HNRNPDL: variants seen among roughly 807,000 people sequenced by gnomAD.
HNRNPDL encodes the protein heterogeneous nuclear ribonucleoprotein D like.
A neutral mutation model predicts 48.0 loss-of-function variants in HNRNPDL; 18 were observed. That is an observed-to-expected ratio of 0.38 (90% confidence interval 0.26 to 0.56). HNRNPDL has a LOEUF of 0.56. Ranked by LOEUF, HNRNPDL falls within the 20% of genes least tolerant of loss-of-function variation. The pLI, the probability that HNRNPDL is intolerant of heterozygous loss-of-function variation, is 0.77. For missense variants in HNRNPDL, 553 were observed against 540.7 expected, an observed-to-expected ratio of 1.02 and a Z score of -0.23; for synonymous variants, 306 against 207.3, an observed-to-expected ratio of 1.48 and a Z score of -4.09.
chr4:82,430,451 C>T lies in HNRNPDL; in HGVS notation c.-761G>A, dbSNP rs977840811. The T allele has an allele frequency of 1.4e-5, 3 of 212,452 alleles. No homozygotes were observed. The highest frequency in any genetic ancestry group is 7.0e-5 in the African/African-American group (3 of 42,794). The allele number at this position is 212,452 out of a possible 1,614,324, so 13.2% of individuals were successfully genotyped here. On this transcript the variant is annotated 5_prime_UTR_variant, in exon 1 of 8. Transcript: ENST00000295470. The stretch of plus-strand genomic sequence containing the variant: ...CTCTCGCGCACCCTGCTCCCGCGTT[C>T]GCTTCTTTGTTCCCGCCCACGCGAG...
chr4:82,426,607 A>G lies in HNRNPDL; in HGVS notation c.1048T>C (p.Phe350Leu). 1.2e-6 allele frequency: 2 copies of G among 1,613,862 alleles called. No individual in the cohort carries two copies. The highest frequency in any genetic ancestry group is 1.1e-5 in the South Asian group (1 of 91,078). The change falls in exon 6 of 8, where the codon TTT becomes CTT. Residue 350 changes from phenylalanine to leucine, a missense_variant. Transcript: ENST00000295470. The stretch of plus-strand genomic sequence containing the variant: ...TATCCTTGATCATAATAGTTATTAA[A>G]TCCTTGGTTCCAGTTTTGGCCCTGA... ...RGQGQNWNQG[F>L]NNYYDQGYGN...
chr4:82,428,544 C>T (rs984502133), intron 1 of HNRNPDL, 98 bp from the exon 2 acceptor site: 20 of 923,330 alleles, frequency 2.2e-5, no homozygotes, highest in Non-Finnish European at 2.7e-5. Context: ...ACATTTACCC[C>T]CTAAGTGTAG....
rs1362944739 is a variant in HNRNPDL at position 82,422,942 on chromosome 4, G to C, written c.*1964C>G. ...TTGTTCTAAATTAATCCTTGGGAAC[G>C]AGATCTTGATAGTAGCTTCAGTTCA... On this transcript the variant is annotated 3_prime_UTR_variant, in exon 8 of 8. Transcript: ENST00000295470. The C allele has an allele frequency of 6.6e-6, 1 of 152,114 alleles. No individual in the cohort carries two copies. Among genetic ancestry groups the C allele is most frequent in the African/African-American group, 2.4e-5 (1 of 41,398 alleles). The allele number at this position is 152,114 out of a possible 1,614,324, so 9.4% of individuals were successfully genotyped here. A position where few individuals can be genotyped will look rare whatever the true frequency, so the allele number is the denominator to read the frequency against.
Position 82,429,428 on chromosome 4 carries a change from C to A in HNRNPDL, c.263G>T (p.Arg88Leu), listed in dbSNP as rs780585758. The change falls in exon 1 of 8, where the codon CGC becomes CTC. Residue 88 changes from arginine (R) to leucine (L), a missense_variant. Arg to Leu is a moderately radical substitution (Grantham distance 102, BLOSUM62 -2). Around this residue, in one of 4 missense-constraint regions of HNRNPDL, gnomAD observed 327 missense variants for 203.2 expected, o/e 1.61. Coordinates refer to ENST00000295470, the MANE Select transcript of HNRNPDL (RefSeq NM_031372.4). ...GRRRRPDLFR[R>L]HFKSSSIQRS... ...TTGTATGGAGCTGGATTTAAAATGG[C>A]GGCGGAAGAGATCCGGGCGCCGCCT... 2.5e-6 allele frequency: 4 copies of A among 1,612,512 alleles called. No individual in the cohort carries two copies. Among genetic ancestry groups the A allele is most frequent in the Non-Finnish European group, 3.4e-6 (4 of 1,179,484 alleles).
rs1721353682 is a variant in HNRNPDL, at chr4:82,424,842, T to G, written c.*64A>C. The G allele has an allele frequency of 6.6e-6, 1 of 152,224 alleles. No individual in the cohort carries two copies. Among genetic ancestry groups the G allele is most frequent in the African/African-American group, 2.4e-5 (1 of 41,464 alleles). 9.4% of individuals were successfully genotyped at this position (152,224 alleles called of 1,614,324 possible). On this transcript the variant is annotated 3_prime_UTR_variant, in exon 8 of 8. Coordinates refer to ENST00000295470, the MANE Select transcript of HNRNPDL (RefSeq NM_031372.4). ...ATCTTAGATCAACAGAAGACCAATCTTCAATGTCGTCCTGCAAGATGGGTT... is the reference window on the plus strand; with the variant it reads ...ATCTTAGATCAACAGAAGACCAATCGTCAATGTCGTCCTGCAAGATGGGTT...
chr4:82,429,716 G>C lies in HNRNPDL; in HGVS notation c.-26C>G. 1 of 1,340,326 alleles carries C rather than the reference G, an allele frequency of 7.5e-7. No individual in the cohort carries two copies. Among genetic ancestry groups the C allele is most frequent in the Admixed American group, 4.0e-5 (1 of 24,988 alleles). The allele number at this position is 1,340,326 out of a possible 1,614,324, so 83.0% of individuals were successfully genotyped here. ...CGCGGCCCTCCCGGCAAGGAGAGAG[G>C]CCACGCGTGAGGGGACGCGGGCTTG... On this transcript the variant is annotated 5_prime_UTR_variant, in exon 1 of 8. Coordinates refer to ENST00000295470, the MANE Select transcript of HNRNPDL (RefSeq NM_031372.4).
rs773339945 is a variant in HNRNPDL at position 82,428,141 on chromosome 4, C to T, written c.651G>A (p.Leu217=). ...ELKEHKLDGK[L]IDPKRAKALK... The stretch of plus-strand genomic sequence containing the variant: ...AAGCTTTGGCCCTTTTGGGATCTAT[C>T]AATTTGCCATCCAGTTTGTGTTCTT... Residue 217 remains leucine (L), a synonymous_variant, in exon 3 of 8, where the codon TTG becomes TTA. Transcript: ENST00000295470. The T allele has an allele frequency of 4.3e-6, 7 of 1,614,016 alleles. No homozygotes were observed. The highest frequency in any genetic ancestry group is 1.1e-5 in the South Asian group (1 of 91,074).
Position 82,426,520 on chromosome 4 carries a change from A to G in HNRNPDL, c.1135T>C (p.Tyr379His). 1 of 1,612,924 alleles carries G rather than the reference A, an allele frequency of 6.2e-7. No homozygotes were observed. The highest frequency in any genetic ancestry group is 1.1e-5 in the South Asian group (1 of 91,062). ...TAGTTCCCATAGTTATACCCAGTAT[A>G]ATCATATCCGCCATAGCCACTATAG... ...QNYSGYGGYD[Y>H]TGYNYGNYGY... The change falls in exon 6 of 8, where the codon TAT becomes CAT. Residue 379 changes from tyrosine to histidine, a missense_variant. By Grantham distance (83) the Tyr-to-His change is moderately conservative. Around this residue, in one of 4 missense-constraint regions of HNRNPDL, gnomAD observed 174 missense variants for 204.6 expected, o/e 0.85. Coordinates refer to ENST00000295470, the MANE Select transcript of HNRNPDL (RefSeq NM_031372.4).
intron 1 of HNRNPDL, 34 bp downstream of exon 1, chr4:82,429,214 G>C: frequency 3.1e-6 from 5 of 1,599,292 alleles, no homozygotes; most frequent in Middle Eastern, 3.3e-4. Context: ...CGGCGCGCTG[G>C]GGGAGGGGGA....
chr4:82,429,575 G>T lies in HNRNPDL; in HGVS notation c.116C>A (p.Ala39Asp). Residue 39 changes from alanine (A) to aspartate (D), a missense_variant, in exon 1 of 8, where the codon GCC becomes GAC. Physicochemically the swap from Ala to Asp is moderately radical, Grantham distance 126. This residue lies in a region of HNRNPDL where 327 missense variants were observed against 203.2 expected (regional missense o/e 1.61). Transcript: ENST00000295470. ...GGGAGCGAGCGAAGGGAGGAGCGGG[G>T]CTAGCTGCCGCGGCGGCCGCGGCCG... Reference protein sequence around the residue: ...HWRPRPPRQLAPLLPSLAPSS... With the variant: ...HWRPRPPRQLDPLLPSLAPSS... 7.2e-7 allele frequency: 1 copy of T among 1,391,298 alleles called. No homozygotes were observed. Among genetic ancestry groups the T allele is most frequent in the Non-Finnish European group, 9.3e-7 (1 of 1,077,042 alleles). The allele number at this position is 1,391,298 out of a possible 1,614,324, so 86.2% of individuals were successfully genotyped here. A position where few individuals can be genotyped will look rare whatever the true frequency, so the allele number is the denominator to read the frequency against.
At chr4:82,428,950 C>G (rs749497945) in intron 1 of HNRNPDL, among the ~76,000 whole-genome samples, 3 of 152,200 alleles carry the variant, frequency 2.0e-5, no homozygotes, top group African/African-American at 7.2e-5. Flanking sequence ...GCAGCTGCAG[C>G]GTGCAGCGCT....
In HNRNPDL at chr4:82,424,352, AT is replaced by A. The variant is rs749500260; in HGVS notation, c.*553del. ...AAAGCTTCTACTAATCACAACACTT[AT>A]GTCTTCCTTTCAGGACAGTCTTCAG... On this transcript the variant is annotated 3_prime_UTR_variant, in exon 8 of 8. Transcript: ENST00000295470. 33 of 152,608 alleles carry A rather than the reference AT, an allele frequency of 2.2e-4. No individual in the cohort carries two copies. The highest frequency in any genetic ancestry group is 3.5e-4 in the Non-Finnish European group (24 of 68,040). 9.5% of individuals were successfully genotyped at this position (152,608 alleles called of 1,614,324 possible). A position where few individuals can be genotyped will look rare whatever the true frequency, so the allele number is the denominator to read the frequency against.
In HNRNPDL at chr4:82,422,809, TA is replaced by T. The variant is rs1721236661; in HGVS notation, c.*2096del. The T allele has an allele frequency of 6.6e-6, 1 of 152,226 alleles. No individual in the cohort carries two copies. Among genetic ancestry groups the T allele is most frequent in the Admixed American group, 6.5e-5 (1 of 15,280 alleles). 9.4% of individuals were successfully genotyped at this position (152,226 alleles called of 1,614,324 possible). ...GGATAACATCACACAGAATTTGGTC[TA>T]AACAATGTAAAAGGCAAATACGATG... is the stretch of plus-strand genomic sequence containing the variant. On this transcript the variant is annotated 3_prime_UTR_variant, in exon 8 of 8. Transcript: ENST00000295470.
Position 82,422,628 on chromosome 4 carries a change from C to T in HNRNPDL, c.*2278G>A, listed in dbSNP as rs1236284818. 6.6e-6 allele frequency: 1 copy of T among 152,206 alleles called. No individual in the cohort carries two copies. The highest frequency in any genetic ancestry group is 1.5e-5 in the Non-Finnish European group (1 of 68,046). The allele number at this position is 152,206 out of a possible 1,614,324, so 9.4% of individuals were successfully genotyped here. ...TTATAAAAGTGAGATTACAGATTAA[C>T]ATGTTAACCAAAGAAATTACTAAGG... On this transcript the variant is annotated 3_prime_UTR_variant, in exon 8 of 8. Coordinates refer to ENST00000295470, the MANE Select transcript of HNRNPDL (RefSeq NM_031372.4).
Position 82,427,094 on chromosome 4 carries a change from TAAGTTTA to T in HNRNPDL, c.1021+89_1021+95del, listed in dbSNP as rs551259554. The T allele has an allele frequency of 2.0e-4, 171 of 865,182 alleles. 1 individual carries two copies. The South Asian group carries it at 2.2e-3, about 11-fold the overall frequency. The allele number at this position is 865,182 out of a possible 1,614,324, so 53.6% of individuals were successfully genotyped here. A position where few individuals can be genotyped will look rare whatever the true frequency, so the allele number is the denominator to read the frequency against. The stretch of plus-strand genomic sequence containing the variant: ...AGTCCCCCCTCCGCTGGAATGGTTT[TAAGTTTA>T]AAGTTTTGCTTTGGTACAGGACTAC... On this transcript the variant is annotated intron_variant, in intron 5 of 7. Coordinates refer to ENST00000295470, the MANE Select transcript of HNRNPDL (RefSeq NM_031372.4).
intron 1 of HNRNPDL, 74 bp downstream of exon 1, chr4:82,429,174 G>A (rs1377720811): frequency 1.5e-6 from 2 of 1,362,134 alleles, no homozygotes; most frequent in Non-Finnish European, 2.1e-6. Context: ...TGGGGGCAGC[G>A]CGCGGCTCAC....
Position 82,429,779 on chromosome 4 carries a change from G to A in HNRNPDL, c.-89C>T. 7.6e-6 allele frequency: 8 copies of A among 1,047,602 alleles called. No individual in the cohort carries two copies. Among genetic ancestry groups the A allele is most frequent in the South Asian group, 2.7e-5 (1 of 36,608 alleles). 64.9% of individuals were successfully genotyped at this position (1,047,602 alleles called of 1,614,324 possible). A position where few individuals can be genotyped will look rare whatever the true frequency, so the allele number is the denominator to read the frequency against. ...AATCAGAAGAGAAAAACGAAGGGGCGTAAATTCCTGGGGTCAGCAGTCCCG... is the reference window on the plus strand; with the variant it reads ...AATCAGAAGAGAAAAACGAAGGGGCATAAATTCCTGGGGTCAGCAGTCCCG... On this transcript the variant is annotated 5_prime_UTR_variant, in exon 1 of 8. In the 5' UTR this introduces an upstream ATG that the reference lacks. Transcript: ENST00000295470.
Position 82,426,219 on chromosome 4 carries a change from T to C in HNRNPDL, c.1193-90A>G. ...ACTATTAAATCTACAAATCTTTGCA[T>C]GCTAAATAAAAAGTATTAAGATATT... On this transcript the variant is annotated intron_variant, in intron 6 of 7. Transcript: ENST00000295470. 4.2e-6 allele frequency: 5 copies of C among 1,201,232 alleles called. 1 individual carries two copies. Among genetic ancestry groups the C allele is most frequent in the Non-Finnish European group, 2.5e-6 (2 of 806,922 alleles). 74.4% of individuals were successfully genotyped at this position (1,201,232 alleles called of 1,614,324 possible).
chr4:82,426,338 T>C (rs1721406115), intron 6 of HNRNPDL, 125 bp downstream of exon 6: 1 of 909,586 alleles, frequency 1.1e-6, no homozygotes, highest in Admixed American at 2.2e-5. Flanking sequence ...GATTGTAACA[T>C]GCCTCAAACA....
Sources: allele counts gnomAD v4.1 joint callset (sites outside exome capture counted in the v4.1 genomes callset), GRCh38; gene constraint gnomAD v4.1.1; regional missense constraint gnomAD v4.1.1; transcripts MANE v1.5; gene names NCBI Gene and HGNC (gene_info 2026-07-23, HGNC 2026-07-21).